Variants in ARHGAP18 observed in about 807,000 individuals in gnomAD.
ARHGAP18 encodes Rho GTPase activating protein 18.
Under a neutral mutation model 86.2 loss-of-function variants are expected in ARHGAP18, and 67 were observed. That is an observed-to-expected ratio of 0.78 (90% CI 0.64 to 0.95). The LOEUF is 0.95. Among genes scored for constraint, ARHGAP18 ranks in the 40% least tolerant of loss-of-function variants. ARHGAP18 has a pLI of 0.00. For missense variants in ARHGAP18, 691 were observed against 780.4 expected, an observed-to-expected ratio of 0.89 and a Z score of 1.37; for synonymous variants, 283 against 280.4, an observed-to-expected ratio of 1.01 and a Z score of -0.09.
chr6:129,699,074 C>A (rs762322294), intron 1 of ARHGAP18, among the ~76,000 whole-genome samples: 1 of 151,942 alleles, frequency 6.6e-6, no homozygotes, highest in Non-Finnish European at 1.5e-5. Flanking sequence ...CCTGACCTTG[C>A]AATCCACCAA....
At chr6:129,664,959 C>T (rs1774011666) in intron 1 of ARHGAP18, among the ~76,000 whole-genome samples, 1 of 152,174 alleles carries the variant, frequency 6.6e-6, no homozygotes. Flanking sequence ...CAGGGAGTTT[C>T]AGCCATGCAG....
intron 5 of ARHGAP18, among the ~76,000 whole-genome samples, chr6:129,625,408 A>G (rs185102776): frequency 0.056 from 2,874 of 51,006 alleles, 486 homozygotes; most frequent in Middle Eastern, 0.12. Context: ...TATGTATTAT[A>G]TATTATATAT....
rs1404616977 is a variant in ARHGAP18 at position 129,607,920 on chromosome 6, A to G, written c.1255T>C (p.Tyr419His). 6.2e-7 allele frequency: 1 copy of G among 1,612,936 alleles called. No individual in the cohort carries two copies. Among genetic ancestry groups the G allele is most frequent in the South Asian group, 1.1e-5 (1 of 90,810 alleles). Reference sequence around the variant, plus strand: ...TGGACAGCCTGAAAGGCTTTGAGATACTCCACACTGAGCAGTGGCTGGGGC... The same window carrying G: ...TGGACAGCCTGAAAGGCTTTGAGATGCTCCACACTGAGCAGTGGCTGGGGC... The part of the protein sequence containing the change: ...ELPQPLLSVE[Y>H]LKAFQAVQNL... Residue 419 changes from tyrosine (Y) to histidine (H), a missense_variant, in exon 9 of 15, where the codon TAT becomes CAT. Transcript: ENST00000368149.
chr6:129,596,381 C>T (rs1433960400), intron 12 of ARHGAP18, among the ~76,000 whole-genome samples: 2 of 152,108 alleles, frequency 1.3e-5, no homozygotes, highest in Non-Finnish European at 1.5e-5. Context: ...AACTCCCTGC[C>T]CTTCTTCTTG....
intron 12 of ARHGAP18, among the ~76,000 whole-genome samples, chr6:129,590,928 C>T (rs79399919): frequency 6.6e-6 from 1 of 152,104 alleles, no homozygotes; most frequent in Admixed American, 6.5e-5. Flanking sequence ...TATGGATATA[C>T]AATGCTCTTT....
At chr6:129,632,481 C>A (rs1332477908) in intron 4 of ARHGAP18, among the ~76,000 whole-genome samples, 5 of 152,092 alleles carry the variant, frequency 3.3e-5, no homozygotes, top group Admixed American at 2.6e-4. Context: ...ATGTTTTCCT[C>A]AGCATCCATT....
At chr6:129,655,317 C>CAAAAAAAAAAAAAAAA (rs55681217) in intron 1 of ARHGAP18, among the ~76,000 whole-genome samples, 14 of 75,060 alleles carry the variant, frequency 1.9e-4, no homozygotes, top group African/African-American at 2.4e-4. Flanking sequence ...AAAACTCTCT[C>CAAAAAAAAAAAAAAAA]AAAAAAAAAA....
At chr6:129,683,516 G>A (rs563929914) in intron 1 of ARHGAP18, among the ~76,000 whole-genome samples, 62 of 152,166 alleles carry the variant, frequency 4.1e-4, no homozygotes, top group Non-Finnish European at 7.8e-4. Context: ...TTGATCACAC[G>A]TTAATAATTT....
In ARHGAP18 at chr6:129,676,868, TATCA is replaced by T. The variant is rs975234331; in HGVS notation, c.113+33152_113+33155del. Reference sequence around the variant, plus strand: ...AGGTAAAAGTAATATCCTTGAAAATTATCAATCAGTGGTTTATCTGAAAACAGAT... The same window carrying T: ...AGGTAAAAGTAATATCCTTGAAAATTATCAGTGGTTTATCTGAAAACAGAT... On this transcript the variant is annotated intron_variant, in intron 1 of 14. Coordinates refer to ENST00000368149, the MANE Select transcript of ARHGAP18 (RefSeq NM_033515.3). Among the ~76,000 whole-genome samples the T allele has an allele frequency of 3.0e-4, 45 of 148,738 alleles. 1 individual carries two copies. The highest frequency in any genetic ancestry group is 2.7e-4 in the Admixed American group (4 of 14,906).
At chr6:129,628,927 A>G (rs1234169459) in intron 5 of ARHGAP18, among the ~76,000 whole-genome samples, 2 of 152,298 alleles carry the variant, frequency 1.3e-5, no homozygotes, top group East Asian at 1.9e-4. Flanking sequence ...TTTCTTAAGA[A>G]TTAAACTTTA....
chr6:129,701,059 A>C (rs1584122583), intron 1 of ARHGAP18, among the ~76,000 whole-genome samples: 1 of 152,268 alleles, frequency 6.6e-6, no homozygotes, highest in East Asian at 1.9e-4. Context: ...CTGAGTATAT[A>C]ATAAAAAAGT....
intron 1 of ARHGAP18, among the ~76,000 whole-genome samples, chr6:129,659,456 TTTTTA>T (rs149541405): frequency 0.39 from 59,578 of 150,982 alleles, 11,927 homozygotes; most frequent in Middle Eastern, 0.45. Flanking sequence ...CCTAGAATTT[TTTTTA>T]TTTTATTTTA....
At chr6:129,699,952 A>G (rs1774684290) in intron 1 of ARHGAP18, among the ~76,000 whole-genome samples, 1 of 152,212 alleles carries the variant, frequency 6.6e-6, no homozygotes, top group African/African-American at 2.4e-5. Flanking sequence ...TATTCTATAG[A>G]TGAGGAGAAA....
At chr6:129,691,717 G>GTC (rs1774532211) in intron 1 of ARHGAP18, among the ~76,000 whole-genome samples, 1 of 152,146 alleles carries the variant, frequency 6.6e-6, no homozygotes, top group Admixed American at 6.5e-5. Flanking sequence ...TAAACAAAAG[G>GTC]TCTCTGGCTG....
At chr6:129,597,721 A>G (rs9372940) in intron 12 of ARHGAP18, among the ~76,000 whole-genome samples, 20,159 of 151,742 alleles carry the variant, frequency 0.13, 1,438 homozygotes, top group Admixed American at 0.18. Flanking sequence ...TGAATTTCAC[A>G]TAAGGAAAGA....
chr6:129,616,728 G>A (rs899676523), intron 6 of ARHGAP18, among the ~76,000 whole-genome samples: 1 of 152,138 alleles, frequency 6.6e-6, no homozygotes, highest in African/African-American at 2.4e-5. Context: ...TGGGAGGATT[G>A]CTTGAGCCCA....
At chr6:129,604,211 C>G (rs866381282) in intron 10 of ARHGAP18, among the ~76,000 whole-genome samples, 6 of 151,192 alleles carry the variant, frequency 4.0e-5, no homozygotes, top group Non-Finnish European at 7.4e-5. Flanking sequence ...CTCCCCCCCC[C>G]CTTAATTATA....
In ARHGAP18 at chr6:129,578,487, T is replaced by A; in HGVS notation, c.*26A>T. The A allele has an allele frequency of 1.9e-6, 3 of 1,579,180 alleles. No homozygotes were observed. ...GCAAGAATTATGACAGAAGTCCACA[T>A]GGTTATCTGCAGCTTGTTAAGTCTT... On this transcript the variant is annotated 3_prime_UTR_variant, in exon 15 of 15. Transcript: ENST00000368149.
intron 5 of ARHGAP18, among the ~76,000 whole-genome samples, chr6:129,628,216 C>A (rs1789522479): frequency 6.6e-6 from 1 of 152,194 alleles, no homozygotes; most frequent in African/African-American, 2.4e-5. Flanking sequence ...ACCAGAGCTT[C>A]TTGGAGAAAT....
Sources: allele counts gnomAD v4.1 joint callset (sites outside exome capture counted in the v4.1 genomes callset), GRCh38; gene constraint gnomAD v4.1.1; transcripts MANE v1.5; gene names NCBI Gene and HGNC (gene_info 2026-07-23, HGNC 2026-07-21).